KIF3C: variants seen among roughly 807,000 people sequenced by gnomAD.
The protein encoded by KIF3C is kinesin-like protein KIF3C.
In KIF3C, 12 loss-of-function variants were observed where a neutral mutation model predicts 67.7. The observed-to-expected ratio is 0.18, with a 90% CI of 0.11 to 0.29. The LOEUF is 0.29. Ranked by LOEUF, KIF3C falls within the 10% of genes least tolerant of loss-of-function variation. The pLI is 1.00. For synonymous variants in KIF3C, 393 were observed against 426.2 expected (o/e 0.92, Z 0.96); for missense variants, 789 against 1,059.6 (o/e 0.74, Z 3.55).
chr2:25,981,474 G>A lies in KIF3C; in HGVS notation c.444C>T (p.Ile148=). ...QYLVRASYLE[I]YQEEIRDLLS... ...GCAGGTCTCGAATCTCTTCCTGGTA[G>A]ATCTCCAAATAGGAGGCCCGGACCA... Residue 148 remains isoleucine (I), a synonymous_variant, in exon 1 of 8, where the codon ATC becomes ATT. Coordinates refer to ENST00000264712, the MANE Select transcript of KIF3C (RefSeq NM_002254.8). The surrounding 1 kb of genome is among the most constrained non-coding windows in gnomAD (Gnocchi z 8.2). 3 of 1,614,202 alleles carry A rather than the reference G, an allele frequency of 1.9e-6. No homozygotes were observed. Among genetic ancestry groups the A allele is most frequent in the Admixed American group, 1.7e-5 (1 of 60,028 alleles).
chr2:25,975,759 C>T (rs1664396846), intron 1 of KIF3C, among the ~76,000 whole-genome samples: 1 of 151,978 alleles, frequency 6.6e-6, no homozygotes, highest in African/African-American at 2.4e-5. Flanking sequence ...GAGATCCAGA[C>T]CATCTTGGCT....
At chr2:25,936,011 C>T (rs541123637) in intron 5 of KIF3C, among the ~76,000 whole-genome samples, 13 of 151,586 alleles carry the variant, frequency 8.6e-5, no homozygotes, top group African/African-American at 1.7e-4. Context: ...CGCTTGAACC[C>T]GGGAGGCGGA....
At chr2:25,965,269 G>C (rs930006816) in intron 1 of KIF3C, among the ~76,000 whole-genome samples, 32 of 152,104 alleles carry the variant, frequency 2.1e-4, no homozygotes, top group Admixed American at 8.5e-4. Flanking sequence ...TCTGTGGGTG[G>C]GCCTCAGTCC....
At chr2:25,966,994 C>T (rs1664158651) in intron 1 of KIF3C, among the ~76,000 whole-genome samples, 1 of 152,222 alleles carries the variant, frequency 6.6e-6, no homozygotes, top group Non-Finnish European at 1.5e-5. Flanking sequence ...ATTTGACCAC[C>T]ACCGCCCTAA....
chr2:25,964,615 T>C (rs1664095485), intron 1 of KIF3C, among the ~76,000 whole-genome samples: 1 of 152,186 alleles, frequency 6.6e-6, no homozygotes, highest in African/African-American at 2.4e-5. Context: ...TACAGGCATG[T>C]GCCAGCATGC....
In KIF3C at chr2:25,955,437, A is replaced by C; in HGVS notation, c.1770+104T>G. ...GCCAAGCCATGTCACTCAGGGGTTC[A>C]GCAGTTCCAGCCAAATGGGGAGGAG... On this transcript the variant is annotated intron_variant, in intron 3 of 7. Transcript: ENST00000264712. This position sits in a 1 kb window ranked among gnomAD's most constrained non-coding sequence, Gnocchi z 5.0. 1 of 1,422,870 alleles carries C rather than the reference A, an allele frequency of 7.0e-7. No individual in the cohort carries two copies. The highest frequency in any genetic ancestry group is 9.7e-7 in the Non-Finnish European group (1 of 1,035,054). The allele number at this position is 1,422,870 out of a possible 1,614,324, so 88.1% of individuals were successfully genotyped here. A position where few individuals can be genotyped will look rare whatever the true frequency, so the allele number is the denominator to read the frequency against.
chr2:25,957,599 T>C (rs1663839443), intron 1 of KIF3C, among the ~76,000 whole-genome samples: 1 of 152,150 alleles, frequency 6.6e-6, no homozygotes, highest in African/African-American at 2.4e-5. Context: ...CACTGGAATT[T>C]TTCCCAGTGG....
rs915410803 is a variant in KIF3C at position 25,955,245 on chromosome 2, C to T, written c.1770+296G>A. Among the ~76,000 whole-genome samples the T allele has an allele frequency of 2.6e-5, 4 of 152,306 alleles. No homozygotes were observed. In the East Asian group the frequency reaches 7.7e-4, roughly 29 times the overall value. On this transcript the variant is annotated intron_variant, in intron 3 of 7. Coordinates refer to ENST00000264712, the MANE Select transcript of KIF3C (RefSeq NM_002254.8). The surrounding 1 kb of genome is among the most constrained non-coding windows in gnomAD (Gnocchi z 5.0). ...GCCCAGCTATCCCAACTGTGACTCACTGGTGACACTGAACGGGGTAATCAC... is the reference window on the plus strand; with the variant it reads ...GCCCAGCTATCCCAACTGTGACTCATTGGTGACACTGAACGGGGTAATCAC...
At position 25,954,418 on chromosome 2, in the gene KIF3C, T is replaced by C; in HGVS notation, c.1771-33A>G. The C allele has an allele frequency of 1.9e-6, 3 of 1,557,128 alleles. No individual in the cohort carries two copies. The South Asian group carries it at 3.4e-5, about 17-fold the overall frequency. On this transcript the variant is annotated intron_variant, in intron 3 of 7. Transcript: ENST00000264712. ...GGGACAGGTGCCACTCAGAGGCTGC[T>C]TGGTGTGGCAACGAGGCCCCAGTCA...
chr2:25,976,528 G>A (rs1664419335), intron 1 of KIF3C, among the ~76,000 whole-genome samples: 1 of 152,166 alleles, frequency 6.6e-6, no homozygotes, highest in Admixed American at 6.5e-5. Flanking sequence ...TTGGAAGGCT[G>A]AGGTGGGCAA....
At chr2:25,960,865 G>T (rs1410369767) in intron 1 of KIF3C, among the ~76,000 whole-genome samples, 1 of 152,226 alleles carries the variant, frequency 6.6e-6, no homozygotes, top group African/African-American at 2.4e-5. Context: ...GAGCCTGGGA[G>T]GTTGAGGCTG....
intron 5 of KIF3C, among the ~76,000 whole-genome samples, chr2:25,943,073 C>G (rs112843554): frequency 0.039 from 5,921 of 152,270 alleles, 388 homozygotes; most frequent in African/African-American, 0.13. Flanking sequence ...CCCAGAATAC[C>G]ACAGGCCGAA....
intron 1 of KIF3C, among the ~76,000 whole-genome samples, chr2:25,965,901 C>T (rs1409751545): frequency 6.6e-6 from 1 of 151,972 alleles, no homozygotes; most frequent in Non-Finnish European, 1.5e-5. Flanking sequence ...ACTAAAAGGC[C>T]AGCACAGGCT....
chr2:25,929,885 GGATTACAGGTGT>G, intron 6 of KIF3C, 58 bp downstream of exon 6: 1 of 1,075,832 alleles, frequency 9.3e-7, no homozygotes, highest in Non-Finnish European at 1.4e-6. Flanking sequence ...CACAGTGCTG[GGATTACAGGTGT>G]GAGACACCTC....
chr2:25,951,141 A>AG (rs1663600169), intron 5 of KIF3C, among the ~76,000 whole-genome samples: 1 of 152,136 alleles, frequency 6.6e-6, no homozygotes. Context: ...CCCATGGTTC[A>AG]GCCGGGCAAG....
At chr2:25,978,420 G>T (rs1012262818) in intron 1 of KIF3C, among the ~76,000 whole-genome samples, 1 of 152,130 alleles carries the variant, frequency 6.6e-6, no homozygotes, top group Non-Finnish European at 1.5e-5. Flanking sequence ...GAAAGAGGCT[G>T]GGCTCTTCCA....
chr2:25,961,322 A>G (rs1663937904), intron 1 of KIF3C, among the ~76,000 whole-genome samples: 1 of 152,234 alleles, frequency 6.6e-6, no homozygotes, highest in Admixed American at 6.5e-5. Flanking sequence ...AAAGCACTCA[A>G]GTGTGAAACA....
intron 5 of KIF3C, among the ~76,000 whole-genome samples, chr2:25,930,433 G>A (rs564128161): frequency 2.0e-5 from 3 of 152,150 alleles, no homozygotes; most frequent in South Asian, 2.1e-4. Flanking sequence ...ATCTCAGCTC[G>A]CTGCAGCCTC....
rs560943832 is a variant in KIF3C at position 25,927,486 on chromosome 2, G to C, written c.*1492C>G. 8.5e-5 allele frequency: 13 copies of C among 152,336 alleles called. No homozygotes were observed. The highest frequency in any genetic ancestry group is 3.1e-4 in the African/African-American group (13 of 41,574). The allele number at this position is 152,336 out of a possible 1,614,324, so 9.4% of individuals were successfully genotyped here. ...GAAGCAGAAATGACAGTGTCGCTGA[G>C]TTAAATCAGACCCAAGCTTGATCCT... On this transcript the variant is annotated 3_prime_UTR_variant, in exon 8 of 8. Coordinates refer to ENST00000264712, the MANE Select transcript of KIF3C (RefSeq NM_002254.8).
Sources: allele counts gnomAD v4.1 joint callset (sites outside exome capture counted in the v4.1 genomes callset), GRCh38; gene constraint gnomAD v4.1.1; non-coding constraint Gnocchi (gnomAD v3.1); transcripts MANE v1.5; gene names NCBI Gene and HGNC (gene_info 2026-07-23, HGNC 2026-07-21).